The following GLUL variants were observed in gnomAD, a reference collection of about 807,000 sequenced individuals.
GLUL encodes glutamate-ammonia ligase.
GLUL carries 8 observed loss-of-function variants against 36.9 expected under a neutral mutation model. The observed-to-expected ratio is 0.22, with a 90% confidence interval of 0.13 to 0.39. The LOEUF (loss-of-function observed/expected upper bound fraction) is 0.39. Ranked by LOEUF, GLUL falls within the 10% of genes least tolerant of loss-of-function variation. The probability of loss-of-function intolerance (pLI) is 1.00; values close to 1 mark genes in which losing one functional copy is unlikely to be tolerated. For synonymous variants in GLUL, 182 were observed against 172.8 expected, an observed-to-expected ratio of 1.05 and a Z score of -0.42; for missense variants, 315 against 501.8, an observed-to-expected ratio of 0.63 and a Z score of 3.56.
Position 182,384,226 on chromosome 1 carries a change from T to C in GLUL, c.*179A>G, listed in dbSNP as rs554671263. 1.1e-4 allele frequency: 68 copies of C among 632,700 alleles called. No homozygotes were observed. The highest frequency in any genetic ancestry group is 1.0e-3 in the African/African-American group (55 of 54,598). The allele number at this position is 632,700 out of a possible 1,614,324, so 39.2% of individuals were successfully genotyped here. On this transcript the variant is annotated 3_prime_UTR_variant, in exon 7 of 7. Coordinates refer to ENST00000331872, the MANE Select transcript of GLUL (RefSeq NM_001033044.4). ...AGGAGGGTAGGTGTGAAGAAATTAA[T>C]AACTTGACCCCTCTATCCCAGCCAA...
chr1:182,391,468 A>C, intron 1 of GLUL: 1 of 369,778 alleles, frequency 2.7e-6, no homozygotes. Flanking sequence ...GCGCCCCACC[A>C]GCGCCAGCCC....
rs1649905667 is a variant in GLUL at position 182,380,912 on chromosome 1, C to T, written c.*3493G>A. Among the ~76,000 whole-genome samples the T allele has an allele frequency of 6.6e-6, 1 of 152,250 alleles. No homozygotes were observed. The highest frequency in any genetic ancestry group is 2.1e-4 in the South Asian group (1 of 4,830). On this transcript the variant is annotated 3_prime_UTR_variant, in exon 7 of 7. Coordinates refer to ENST00000331872, the MANE Select transcript of GLUL (RefSeq NM_001033044.4). Reference sequence around the variant, plus strand: ...GAATAGTTCAGGAACTTCTCATCCACTTGTCTACCCTTCTACACAGACAGC... The same window carrying T: ...GAATAGTTCAGGAACTTCTCATCCATTTGTCTACCCTTCTACACAGACAGC...
intron 1 of GLUL, chr1:182,389,046 G>A: frequency 2.6e-6 from 1 of 379,968 alleles, no homozygotes; most frequent in Non-Finnish European, 5.1e-6. Context: ...CAATGCCTCT[G>A]CATCCCTGAG....
rs924257761 is a variant in GLUL, at chr1:182,383,111, A to C, written c.*1294T>G. The C allele has an allele frequency of 5.9e-5, 9 of 152,178 alleles. No individual in the cohort carries two copies. The highest frequency in any genetic ancestry group is 2.2e-4 in the African/African-American group (9 of 41,440). 9.4% of individuals were successfully genotyped at this position (152,178 alleles called of 1,614,324 possible). On this transcript the variant is annotated 3_prime_UTR_variant, in exon 7 of 7. Coordinates refer to ENST00000331872, the MANE Select transcript of GLUL (RefSeq NM_001033044.4). ...GGTTTATTCCTTATTATAAAAGAAA[A>C]AAAATAATTCTTCAGCAGTCTTAAC...
rs2296523 is a variant in GLUL, at chr1:182,381,761, C to G, written c.*2644G>C. The G allele has an allele frequency of 0.59, 89,698 of 151,972 alleles. 27,372 individuals are homozygous for G. The highest frequency in any genetic ancestry group is 0.83 in the East Asian group (4,307 of 5,166). The allele number at this position is 151,972 out of a possible 1,614,324, so 9.4% of individuals were successfully genotyped here. A position where few individuals can be genotyped will look rare whatever the true frequency, so the allele number is the denominator to read the frequency against. On this transcript the variant is annotated 3_prime_UTR_variant, in exon 7 of 7. Coordinates refer to ENST00000331872, the MANE Select transcript of GLUL (RefSeq NM_001033044.4). The stretch of plus-strand genomic sequence containing the variant: ...ACTGTAGGATACACCATCCAAGAGG[C>G]TGTAAGGGTGGCCAAGCAAAGGGAA...
chr1:182,390,762 A>AGC (rs1458556733), intron 1 of GLUL: 2 of 399,116 alleles, frequency 5.0e-6, no homozygotes, highest in Non-Finnish European at 8.8e-6. Context: ...AAGCAGCTGG[A>AGC]GCGCGACCCG....
intron 5 of GLUL, 24 bp from the exon 6 acceptor site, chr1:182,385,580 T>G (rs762403029): frequency 6.2e-7 from 1 of 1,606,604 alleles, no homozygotes; most frequent in Non-Finnish European, 8.5e-7. Flanking sequence ...GCTTGGCCAT[T>G]AAAACAAAGC....
chr1:182,391,324 C>T (rs940422102), intron 1 of GLUL: 24 of 398,250 alleles, frequency 6.0e-5, no homozygotes, highest in Non-Finnish European at 9.7e-5. Flanking sequence ...ACTCCATCCA[C>T]AGCGCAAACA....
rs1650076806 is a variant in GLUL at position 182,384,398 on chromosome 1, A to G, written c.*7T>C. ...GGAGGGGCTCAACAGCTGGAGGTCT[A>G]GTCCACTTAATTTTTGTACTGGAAG... On this transcript the variant is annotated 3_prime_UTR_variant, in exon 7 of 7. Coordinates refer to ENST00000331872, the MANE Select transcript of GLUL (RefSeq NM_001033044.4). 5.0e-6 allele frequency: 8 copies of G among 1,593,502 alleles called. No homozygotes were observed. The highest frequency in any genetic ancestry group is 6.9e-6 in the Non-Finnish European group (8 of 1,161,712).
intron 5 of GLUL, 97 bp from the exon 6 acceptor site, chr1:182,385,653 G>C: frequency 6.4e-7 from 1 of 1,552,252 alleles, no homozygotes; most frequent in Non-Finnish European, 8.9e-7. Flanking sequence ...ACTCCAACCC[G>C]TTCTTAGGTT....
intron 2 of GLUL, among the ~76,000 whole-genome samples, chr1:182,388,293 C>T (rs998172783): frequency 2.6e-5 from 4 of 152,176 alleles, no homozygotes; most frequent in Non-Finnish European, 5.9e-5. Flanking sequence ...GGTCGGCAAC[C>T]TCTAAGCCCC....
intron 2 of GLUL, among the ~76,000 whole-genome samples, chr1:182,388,313 C>T (rs1482219499): frequency 6.6e-6 from 1 of 152,174 alleles, no homozygotes; most frequent in African/African-American, 2.4e-5. Context: ...CATGCCAACT[C>T]TCCATAAACC....
intron 6 of GLUL, 177 bp from the exon 7 acceptor site, chr1:182,384,900 G>A (rs1471358836): frequency 3.1e-6 from 2 of 643,002 alleles, no homozygotes; most frequent in Non-Finnish European, 5.6e-6. Flanking sequence ...CAAAGTTACT[G>A]TTTGTTGAAA....
chr1:182,386,495 A>G, intron 3 of GLUL, 93 bp from the exon 4 acceptor site: 1 of 983,912 alleles, frequency 1.0e-6, no homozygotes. Context: ...TGGATTCTAT[A>G]CAACTGAGGT....
chr1:182,387,080 C>A, intron 3 of GLUL, 51 bp downstream of exon 3: 1 of 1,398,262 alleles, frequency 7.2e-7, no homozygotes, highest in Non-Finnish European at 1.0e-6. Flanking sequence ...CCCTCCCCTT[C>A]ACAGCATTCA....
rs772977794 is a variant in GLUL at position 182,388,639 on chromosome 1, G to A, written c.99C>T (p.Ile33=). 34 of 1,613,426 alleles carry A rather than the reference G, an allele frequency of 2.1e-5. 1 individual carries two copies. The highest frequency in any genetic ancestry group is 1.2e-4 in the South Asian group (11 of 91,068). Residue 33 remains isoleucine, a synonymous_variant, in exon 2 of 7, where the codon ATC becomes ATT. Transcript: ENST00000331872. The part of the protein sequence containing the change: ...GEKVQAMYIW[I]DGTGEGLRCK... The stretch of plus-strand genomic sequence containing the variant: ...AGCGCAGTCCTTCTCCAGTACCATC[G>A]ATCCAGATATACATGGCCTGGACTT...
At chr1:182,385,712 T>A in intron 5 of GLUL, 48 bp downstream of exon 5, 1 of 1,611,122 alleles carries the variant, frequency 6.2e-7, no homozygotes, top group Middle Eastern at 1.7e-4. Context: ...AAAAGTCCTA[T>A]GTACACCTAC....
chr1:182,390,936 C>T (rs1650387911), intron 1 of GLUL: 2 of 398,146 alleles, frequency 5.0e-6, no homozygotes, highest in African/African-American at 4.1e-5. Context: ...GGCGCCCTGC[C>T]CCTCGGGCCC....
intron 1 of GLUL, chr1:182,390,688 G>A (rs1650374462): frequency 5.0e-6 from 2 of 399,168 alleles, no homozygotes; most frequent in Admixed American, 4.4e-5. Flanking sequence ...CAGGTTGGTG[G>A]GTTAAGGTCT....
Sources: allele counts gnomAD v4.1 joint callset (sites outside exome capture counted in the v4.1 genomes callset), GRCh38; gene constraint gnomAD v4.1.1; transcripts MANE v1.5; gene names NCBI Gene and HGNC (gene_info 2026-07-23, HGNC 2026-07-21).